Variants in SHQ1 observed in about 807,000 individuals in gnomAD.
SHQ1 encodes protein SHQ1 homolog.
In SHQ1, 49 loss-of-function variants were observed where a neutral mutation model predicts 53.8. The ratio of observed to expected loss-of-function variants is 0.91; its 90% CI spans 0.72 to 1.16. The LOEUF (loss-of-function observed/expected upper bound fraction) is 1.16. Ranked by LOEUF, SHQ1 falls within the 50% of genes most tolerant of loss-of-function variation. SHQ1 has a pLI of 0.00. For synonymous variants in SHQ1, 243 were observed against 251.0 expected (o/e 0.97, Z 0.30); for missense variants, 738 against 683.1 (o/e 1.08, Z -0.90).
intron 6 of SHQ1, among the ~76,000 whole-genome samples, chr3:72,818,789 G>T (rs1053437378): frequency 3.9e-5 from 6 of 152,160 alleles, no homozygotes; most frequent in Non-Finnish European, 7.3e-5. Flanking sequence ...ATGTCACATG[G>T]TGAAGTGAGA....
rs1014359227 is a variant in SHQ1 at position 72,848,263 on chromosome 3, G to T, written c.78C>A (p.Val26=). 2 of 1,614,190 alleles carry T rather than the reference G, an allele frequency of 1.2e-6. No individual in the cohort carries two copies. The highest frequency in any genetic ancestry group is 3.3e-5 in the Admixed American group (2 of 60,024). Reference sequence around the variant, plus strand: ...CCTCGAAGTAGACGTCGAACTCGGAGACCCGGGCGTAGGGCACGCGGATGG... The same window carrying T: ...CCTCGAAGTAGACGTCGAACTCGGATACCCGGGCGTAGGGCACGCGGATGG... ...TIAIRVPYAR[V]SEFDVYFEGS... Residue 26 remains valine (V), a synonymous_variant, in exon 1 of 11, where the codon GTC becomes GTA. Coordinates refer to ENST00000325599, the MANE Select transcript of SHQ1 (RefSeq NM_018130.3).
At chr3:72,738,664 C>T in the SHQ1 span, among the ~76,000 whole-genome samples, 3 of 152,182 alleles carry the variant, frequency 2.0e-5, no homozygotes, top group African/African-American at 7.2e-5. Context: ...ACTGATGTCG[C>T]CCCTCTCCTC....
At chr3:72,794,254 G>A (rs1183669191) in intron 9 of SHQ1, 2 of 152,166 alleles carry the variant, frequency 1.3e-5, no homozygotes, top group African/African-American at 4.8e-5. Context: ...GCTAGATGAT[G>A]ACATCTCAAG....
intron 10 of SHQ1, among the ~76,000 whole-genome samples, chr3:72,782,505 TAAAG>T (rs1366366636): frequency 2.0e-5 from 3 of 152,194 alleles, no homozygotes; most frequent in African/African-American, 7.2e-5. Context: ...TTCTATTTAT[TAAAG>T]AAAGTAGTCA....
At chr3:72,737,463 A>G in the SHQ1 span, among the ~76,000 whole-genome samples, 1 of 152,096 alleles carries the variant, frequency 6.6e-6, no homozygotes, top group African/African-American at 2.4e-5. Flanking sequence ...AGAGAGTAAG[A>G]GAATGAAAGA....
At chr3:72,818,356 A>T (rs567908326) in intron 6 of SHQ1, among the ~76,000 whole-genome samples, 1 of 152,256 alleles carries the variant, frequency 6.6e-6, no homozygotes, top group South Asian at 2.1e-4. Context: ...GCTGCAATAA[A>T]TATCCTTATC....
At chr3:72,834,324 T>C (rs969404529) in intron 4 of SHQ1, among the ~76,000 whole-genome samples, 11 of 150,668 alleles carry the variant, frequency 7.3e-5, no homozygotes, top group Non-Finnish European at 1.6e-4. Flanking sequence ...AGGTCAGGAG[T>C]TCAAGACCAG....
intron 10 of SHQ1, among the ~76,000 whole-genome samples, chr3:72,760,478 A>C (rs1208992844): frequency 6.6e-6 from 1 of 152,170 alleles, no homozygotes; most frequent in Non-Finnish European, 1.5e-5. Flanking sequence ...TCTTTAAGGG[A>C]GCACAGAAGT....
chr3:72,765,538 T>C (rs1010030335), intron 10 of SHQ1, among the ~76,000 whole-genome samples: 4 of 88,596 alleles, frequency 4.5e-5, no homozygotes, highest in African/African-American at 2.8e-4. Flanking sequence ...GACATATATA[T>C]ATATATATAT....
chr3:72,725,737 C>A, the SHQ1 span, among the ~76,000 whole-genome samples: 1 of 152,144 alleles, frequency 6.6e-6, no homozygotes, highest in East Asian at 1.9e-4. Context: ...AATAAATGTT[C>A]TTTGCAGTAC....
intron 10 of SHQ1, chr3:72,772,920 G>C (rs1393135972): frequency 4.8e-6 from 4 of 833,094 alleles, no homozygotes; most frequent in Non-Finnish European, 8.4e-6. Context: ...CTAAATGGGA[G>C]TTATTTGACC....
chr3:72,742,210 A>AC, the SHQ1 span, among the ~76,000 whole-genome samples: 2 of 146,584 alleles, frequency 1.4e-5, no homozygotes, highest in Admixed American at 6.8e-5. Context: ...AAAAAAAAAA[A>AC]AAAACGTAAA....
chr3:72,782,838 G>A (rs899783653), intron 10 of SHQ1, among the ~76,000 whole-genome samples: 7 of 152,144 alleles, frequency 4.6e-5, no homozygotes, highest in African/African-American at 1.7e-4. Context: ...CCACACATAT[G>A]CCACATTAAT....
chr3:72,758,567 C>CTT (rs869225766), intron 10 of SHQ1, among the ~76,000 whole-genome samples: 8,626 of 126,054 alleles, frequency 0.068, 974 homozygotes, highest in African/African-American at 0.23. Flanking sequence ...ACTATTTTTT[C>CTT]TTTTTTTTTT....
At chr3:72,832,718 T>C (rs1303065036) in intron 4 of SHQ1, among the ~76,000 whole-genome samples, 1 of 152,166 alleles carries the variant, frequency 6.6e-6, no homozygotes, top group African/African-American at 2.4e-5. Flanking sequence ...ACAAGCTGAC[T>C]GACAGATATT....
the SHQ1 span, among the ~76,000 whole-genome samples, chr3:72,738,019 A>C: frequency 6.6e-6 from 1 of 152,258 alleles, no homozygotes; most frequent in East Asian, 1.9e-4. Context: ...CAGCTCTGCT[A>C]ACCCTCCCGT....
At chr3:72,725,770 T>G in the SHQ1 span, among the ~76,000 whole-genome samples, 3 of 152,140 alleles carry the variant, frequency 2.0e-5, no homozygotes, top group Admixed American at 2.0e-4. Flanking sequence ...ATACCTCAGG[T>G]GTCAACCTCA....
At chr3:72,823,054 T>A (rs6785064) in intron 6 of SHQ1, among the ~76,000 whole-genome samples, 1 of 147,810 alleles carries the variant, frequency 6.8e-6, no homozygotes, top group East Asian at 2.0e-4. Context: ...GAGGCTGAGG[T>A]AGGAGAATGG....
chr3:72,800,985 ACT>A lies in SHQ1; in HGVS notation c.1061-7951_1061-7950del, dbSNP rs1424250011. On this transcript the variant is annotated intron_variant, in intron 9 of 10. Coordinates refer to ENST00000325599, the MANE Select transcript of SHQ1 (RefSeq NM_018130.3). ...GTTTGAAAGGACAGCCTTGACATTA[ACT>A]CTGTCCTCTTTCTTAAGTAACTTGT... Among the ~76,000 whole-genome samples, 3 of 152,128 alleles carry A rather than the reference ACT, an allele frequency of 2.0e-5. No homozygotes were observed. The East Asian group carries it at 5.8e-4, about 29-fold the overall frequency.
Sources: allele counts gnomAD v4.1 joint callset (sites outside exome capture counted in the v4.1 genomes callset), GRCh38; gene constraint gnomAD v4.1.1; transcripts MANE v1.5; gene names NCBI Gene and HGNC (gene_info 2026-07-23, HGNC 2026-07-21).